Variants in MYO9A observed in about 807,000 individuals in gnomAD.
MYO9A encodes the protein myosin IXA.
A neutral mutation model predicts 293.3 loss-of-function variants in MYO9A; 103 were observed. The ratio of observed to expected loss-of-function variants is 0.35; its 90% CI spans 0.30 to 0.41. MYO9A has a LOEUF of 0.41. Among genes scored for constraint, MYO9A ranks in the 10% least tolerant of loss-of-function variants. MYO9A has a pLI of 1.00. For synonymous variants in MYO9A, 1,001 were observed against 1,035.7 expected, an observed-to-expected ratio of 0.97 and a Z score of 0.64; for missense variants, 2,685 against 3,033.0, an observed-to-expected ratio of 0.89 and a Z score of 2.69.
rs540836527 is a variant in MYO9A, at chr15:71,923,529, T to G, written c.2563-7037A>C. Among the ~76,000 whole-genome samples, 6 of 152,336 alleles carry G rather than the reference T, an allele frequency of 3.9e-5. No homozygotes were observed. In the East Asian group the frequency reaches 1.2e-3, roughly 29 times the overall value. On this transcript the variant is annotated intron_variant, in intron 18 of 41. Coordinates refer to ENST00000356056, the MANE Select transcript of MYO9A (RefSeq NM_006901.4). ...CAATGGGAGACTTTTTATTACTGAT[T>G]TGAACTCAGAGTTGTTACTGGTTTC...
At chr15:71,910,150 G>A (rs368121062) in intron 19 of MYO9A, among the ~76,000 whole-genome samples, 1 of 57,002 alleles carries the variant, frequency 1.8e-5, no homozygotes, top group Admixed American at 2.6e-4. Context: ...ATACGTGTGT[G>A]TGTATATATA....
intron 41 of MYO9A, 61 bp downstream of exon 41, chr15:71,827,823 G>C (rs947168369): frequency 2.0e-6 from 3 of 1,520,822 alleles, no homozygotes; most frequent in African/African-American, 2.8e-5. Flanking sequence ...CTTAGTTTTG[G>C]AATCTTTATT....
chr15:72,029,658 G>T (rs72731396), intron 3 of MYO9A, among the ~76,000 whole-genome samples: 37,361 of 152,028 alleles, frequency 0.25, 6,071 homozygotes, highest in Non-Finnish European at 0.35. Flanking sequence ...TATACTATAT[G>T]CCAGAAGAAC....
At chr15:71,846,221 T>C (rs1265798615) in intron 39 of MYO9A, among the ~76,000 whole-genome samples, 1 of 152,174 alleles carries the variant, frequency 6.6e-6, no homozygotes, top group African/African-American at 2.4e-5. Flanking sequence ...CTACTACTTA[T>C]CTTTACTTAG....
At chr15:72,101,798 C>A (rs1359994058) in intron 1 of MYO9A, among the ~76,000 whole-genome samples, 2 of 148,486 alleles carry the variant, frequency 1.3e-5, no homozygotes, top group Non-Finnish European at 3.0e-5. Context: ...AGGCCAGCCG[C>A]CCCGTCCGGG....
intron 1 of MYO9A, among the ~76,000 whole-genome samples, chr15:72,049,925 G>A (rs976360531): frequency 1.3e-5 from 2 of 152,122 alleles, no homozygotes; most frequent in African/African-American, 2.4e-5. Context: ...TGTATAATAT[G>A]GCAGCCCTGG....
At chr15:71,978,547 G>C (rs2076197883) in intron 11 of MYO9A, among the ~76,000 whole-genome samples, 1 of 152,084 alleles carries the variant, frequency 6.6e-6, no homozygotes, top group African/African-American at 2.4e-5. Flanking sequence ...TGTAGGGCTA[G>C]ATTTGTTTTA....
At chr15:71,889,464 T>G (rs1340203565) in intron 26 of MYO9A, 1 of 144,066 alleles carries the variant, frequency 6.9e-6, no homozygotes, top group Non-Finnish European at 1.5e-5. Context: ...TTTTTTTTTT[T>G]TTTTTTTAAG....
At chr15:71,926,719 G>A (rs1172457811) in intron 18 of MYO9A, among the ~76,000 whole-genome samples, 1 of 152,172 alleles carries the variant, frequency 6.6e-6, no homozygotes, top group Non-Finnish European at 1.5e-5. Context: ...CGCCACACAA[G>A]CTATCTTGAT....
chr15:71,868,384 T>A (rs1390039416), intron 32 of MYO9A, among the ~76,000 whole-genome samples: 4 of 152,238 alleles, frequency 2.6e-5, no homozygotes, highest in African/African-American at 9.6e-5. Flanking sequence ...CTGCATCATC[T>A]TCTACCTCAT....
At chr15:71,888,312 A>G (rs1413021176) in intron 26 of MYO9A, 196 bp from the exon 27 acceptor site, 2 of 345,510 alleles carry the variant, frequency 5.8e-6, no homozygotes. Context: ...GACTTGGTCA[A>G]TGAAAATAAA....
intron 28 of MYO9A, among the ~76,000 whole-genome samples, chr15:71,881,534 C>G (rs1169314909): frequency 6.6e-6 from 1 of 152,086 alleles, no homozygotes; most frequent in Non-Finnish European, 1.5e-5. Context: ...CATATATCAA[C>G]TGATTTTAAT....
chr15:71,876,242 G>T (rs2056681070), intron 31 of MYO9A, among the ~76,000 whole-genome samples: 2 of 150,788 alleles, frequency 1.3e-5, no homozygotes, highest in African/African-American at 2.4e-5. Context: ...TGCTTCCCAG[G>T]TTCAAGTGAA....
chr15:72,041,308 G>T, intron 2 of MYO9A: 1 of 806,456 alleles, frequency 1.2e-6, no homozygotes, highest in Non-Finnish European at 2.1e-6. Context: ...TCACTTTCTG[G>T]CAGTTTAAGA....
At chr15:71,866,347 G>A (rs1206821634) in intron 32 of MYO9A, among the ~76,000 whole-genome samples, 1 of 151,992 alleles carries the variant, frequency 6.6e-6, no homozygotes, top group African/African-American at 2.4e-5. Context: ...GTGATTATCC[G>A]TGCTGAGATA....
chr15:72,076,733 T>C (rs1342016633), intron 1 of MYO9A, among the ~76,000 whole-genome samples: 2 of 152,150 alleles, frequency 1.3e-5, no homozygotes, highest in African/African-American at 4.8e-5. Context: ...TTTGTGAATA[T>C]TGACAAACTT....
chr15:72,117,803 T>C lies in MYO9A; in HGVS notation c.-195A>G. On this transcript the variant is annotated 5_prime_UTR_variant, in exon 1 of 42. Coordinates refer to ENST00000356056, the MANE Select transcript of MYO9A (RefSeq NM_006901.4). ...GCCGAGGCCACCGAGGGTCGGACGGTTCCGGGAGGGTGGGCCCAGCAGCCT... is the reference window on the plus strand; with the variant it reads ...GCCGAGGCCACCGAGGGTCGGACGGCTCCGGGAGGGTGGGCCCAGCAGCCT... The C allele has an allele frequency of 2.5e-6, 1 of 398,390 alleles. No individual in the cohort carries two copies. The highest frequency in any genetic ancestry group is 4.4e-6 in the Non-Finnish European group (1 of 225,660). The allele number at this position is 398,390 out of a possible 1,614,324, so 24.7% of individuals were successfully genotyped here.
At chr15:71,830,354 C>T in intron 39 of MYO9A, 43 bp from the exon 40 acceptor site, 2 of 1,568,338 alleles carry the variant, frequency 1.3e-6, no homozygotes, top group Non-Finnish European at 8.8e-7. Context: ...TGAGTGACTG[C>T]ATCAGTTTTA....
chr15:71,980,802 C>T (rs1186689601), intron 11 of MYO9A, among the ~76,000 whole-genome samples: 3 of 152,198 alleles, frequency 2.0e-5, no homozygotes, highest in African/African-American at 7.2e-5. Flanking sequence ...TGCGCCACTG[C>T]ACTCCACCCT....
Sources: allele counts gnomAD v4.1 joint callset (sites outside exome capture counted in the v4.1 genomes callset), GRCh38; gene constraint gnomAD v4.1.1; transcripts MANE v1.5; gene names NCBI Gene and HGNC (gene_info 2026-07-23, HGNC 2026-07-21).